Variants in THSD7A observed in about 807,000 individuals in gnomAD.
THSD7A encodes the protein thrombospondin type 1 domain containing 7A.
Under a neutral mutation model 231.3 loss-of-function variants are expected in THSD7A, and 96 were observed. The ratio of observed to expected loss-of-function variants is 0.41; its 90% confidence interval spans 0.35 to 0.49. The LOEUF is 0.49. Ranked by LOEUF, THSD7A falls within the 20% of genes least tolerant of loss-of-function variation. The pLI is 0.05. For missense variants in THSD7A, 2,290 were observed against 2,070.2 expected, an observed-to-expected ratio of 1.11 and a Z score of -2.06; for synonymous variants, 940 against 743.3, an observed-to-expected ratio of 1.26 and a Z score of -4.30.
chr7:11,539,919 A>G (rs1789070747), intron 6 of THSD7A, among the ~76,000 whole-genome samples: 1 of 152,220 alleles, frequency 6.6e-6, no homozygotes, highest in Non-Finnish European at 1.5e-5. Context: ...ATTTGAACTG[A>G]GAAAAACGAT....
intron 23 of THSD7A, among the ~76,000 whole-genome samples, chr7:11,387,712 C>G (rs1228626787): frequency 6.6e-6 from 1 of 152,112 alleles, no homozygotes; most frequent in Non-Finnish European, 1.5e-5. Context: ...CTTTCTCTTG[C>G]CTGAACGCCC....
chr7:11,379,632 C>A lies in THSD7A; in HGVS notation c.4588G>T (p.Glu1530Ter). 6.3e-7 allele frequency: 1 copy of A among 1,578,456 alleles called. No individual in the cohort carries two copies. Reference sequence around the variant, plus strand: ...TGCCCTGATGAATTTTCACATACCTCGCTACAGTACGAGTGGGGTTGACTA... The same window carrying A: ...TGCCCTGATGAATTTTCACATACCTAGCTACAGTACGAGTGGGGTTGACTA... ...PCSQPHSYCS[E>*]TKTCHCEEGY... Residue 1530 changes from glutamate (E) to a stop codon, truncating the protein, a stop_gained and splice_region_variant, in exon 25 of 28, where the codon GAG (glutamate) becomes TAG (stop). Transcript: ENST00000423059. LOFTEE classifies it high-confidence loss of function.
At chr7:11,536,106 G>A (rs991366727) in intron 6 of THSD7A, among the ~76,000 whole-genome samples, 15 of 152,048 alleles carry the variant, frequency 9.9e-5, no homozygotes, top group Admixed American at 8.5e-4. Flanking sequence ...GGAGTCTTCA[G>A]GTTTTCCAGC....
intron 6 of THSD7A, among the ~76,000 whole-genome samples, chr7:11,507,328 A>C (rs957358207): frequency 2.0e-5 from 3 of 152,166 alleles, no homozygotes; most frequent in Non-Finnish European, 2.9e-5. Context: ...ATATCACTGC[A>C]ATTCTCACCA....
chr7:11,482,674 TTAAGA>T (rs1423998244), intron 6 of THSD7A, among the ~76,000 whole-genome samples: 3 of 152,176 alleles, frequency 2.0e-5, no homozygotes, highest in African/African-American at 4.8e-5. Flanking sequence ...CCTGTTGCTC[TTAAGA>T]TAAAGGGCAG....
intron 16 of THSD7A, among the ~76,000 whole-genome samples, chr7:11,420,184 T>C (rs1292984625): frequency 6.6e-6 from 1 of 152,178 alleles, no homozygotes; most frequent in African/African-American, 2.4e-5. Flanking sequence ...AGGAGCCAAA[T>C]GTTAGTAGCC....
chr7:11,744,290 G>A (rs1467345), intron 1 of THSD7A, among the ~76,000 whole-genome samples: 32,903 of 151,574 alleles, frequency 0.22, 5,111 homozygotes, highest in African/African-American at 0.44. Flanking sequence ...GTACCAAATC[G>A]GGTGGTGGCA....
At chr7:11,656,003 T>C (rs948932036) in intron 1 of THSD7A, among the ~76,000 whole-genome samples, 1 of 151,902 alleles carries the variant, frequency 6.6e-6, no homozygotes, top group African/African-American at 2.4e-5. Context: ...CTCTGAATTC[T>C]TCCCGATTTC....
rs566219434 is a variant in THSD7A at position 11,526,225 on chromosome 7, C to T, written c.1822+15194G>A. Among the ~76,000 whole-genome samples, 10 of 152,310 alleles carry T rather than the reference C, an allele frequency of 6.6e-5. No homozygotes were observed. In the South Asian group the frequency reaches 2.1e-3, roughly 32 times the overall value. ...TTTTCAAACACGAACTGTTCAGTAA[C>T]ATGCCCAACTATTTGCAGCTTCCCA... On this transcript the variant is annotated intron_variant, in intron 6 of 27. Transcript: ENST00000423059.
At chr7:11,542,927 G>C (rs1396806282) in intron 5 of THSD7A, 35 bp downstream of exon 5, 10 of 1,586,314 alleles carry the variant, frequency 6.3e-6, no homozygotes, top group Non-Finnish European at 8.6e-6. Context: ...TACAATTGGT[G>C]GGTATAAAAG....
intron 4 of THSD7A, among the ~76,000 whole-genome samples, chr7:11,563,572 G>A (rs1790167958): frequency 6.6e-6 from 1 of 152,064 alleles, no homozygotes; most frequent in Non-Finnish European, 1.5e-5. Context: ...ATGTTGGCCA[G>A]GCTGGTTTCA....
chr7:11,537,954 T>C (rs1053440200), intron 6 of THSD7A, among the ~76,000 whole-genome samples: 4 of 152,212 alleles, frequency 2.6e-5, no homozygotes, highest in Admixed American at 6.5e-5. Context: ...ATAGCAGAGT[T>C]ACTCCCATTC....
chr7:11,493,273 A>G (rs1240084609), intron 6 of THSD7A, among the ~76,000 whole-genome samples: 2 of 152,100 alleles, frequency 1.3e-5, no homozygotes, highest in African/African-American at 4.8e-5. Context: ...GACCTGATAA[A>G]AAGTTGGTGA....
intron 4 of THSD7A, among the ~76,000 whole-genome samples, chr7:11,584,367 C>T (rs1402653652): frequency 6.6e-6 from 1 of 152,008 alleles, no homozygotes; most frequent in Non-Finnish European, 1.5e-5. Context: ...ATTTTTACTT[C>T]ATAATTACTC....
In THSD7A at chr7:11,814,604, C is replaced by T. The variant is rs1784624754; in HGVS notation, c.190+17153G>A. Among the ~76,000 whole-genome samples, 3 of 152,078 alleles carry T rather than the reference C, an allele frequency of 2.0e-5. No homozygotes were observed. The South Asian group carries it at 6.2e-4, about 32-fold the overall frequency. On this transcript the variant is annotated intron_variant, in intron 1 of 27. Coordinates refer to ENST00000423059, the MANE Select transcript of THSD7A (RefSeq NM_015204.3). The surrounding 1 kb of genome is among the most constrained non-coding windows in gnomAD (Gnocchi z 5.1). ...CCTTGTCTGCTTCATAGTATTTATTCTCTTCTTGTGGAACTTGCACAGCTG... is the reference window on the plus strand; with the variant it reads ...CCTTGTCTGCTTCATAGTATTTATTTTCTTCTTGTGGAACTTGCACAGCTG...
At chr7:11,673,436 A>C (rs1783487411) in intron 1 of THSD7A, among the ~76,000 whole-genome samples, 1 of 152,146 alleles carries the variant, frequency 6.6e-6, no homozygotes, top group Non-Finnish European at 1.5e-5. Context: ...TCCATCTTGC[A>C]CAGAGTGGTT....
intron 6 of THSD7A, among the ~76,000 whole-genome samples, chr7:11,517,671 T>C (rs535920698): frequency 2.6e-4 from 39 of 152,320 alleles, no homozygotes; most frequent in African/African-American, 8.7e-4. Context: ...CACAACTTAA[T>C]AGAAGTCTTT....
At chr7:11,676,317 C>T (rs1052743089) in intron 1 of THSD7A, among the ~76,000 whole-genome samples, 1 of 152,106 alleles carries the variant, frequency 6.6e-6, no homozygotes. Flanking sequence ...GAAAAACCAG[C>T]ACAAAAAGGC....
At chr7:11,659,993 C>A (rs149315287) in intron 1 of THSD7A, among the ~76,000 whole-genome samples, 1 of 151,396 alleles carries the variant, frequency 6.6e-6, no homozygotes, top group Non-Finnish European at 1.5e-5. Flanking sequence ...TTCTTACAGA[C>A]CTCCAAGGTA....
Sources: gnomAD v4.1 joint callset for allele counts (sites outside exome capture counted in the v4.1 genomes callset) on GRCh38, gnomAD v4.1.1 for gene constraint, Gnocchi (gnomAD v3.1) non-coding constraint, MANE v1.5 for transcripts, NCBI Gene and HGNC (gene_info 2026-07-23, HGNC 2026-07-21) for gene names.